The following TUSC3 variants were observed in gnomAD, a reference collection of about 807,000 sequenced individuals.
TUSC3 encodes dolichyl-diphosphooligosaccharide--protein glycosyltransferase subunit TUSC3.
In TUSC3, 45 loss-of-function variants were observed where a neutral mutation model predicts 44.8. That is an observed-to-expected ratio of 1.00 (90% CI 0.79 to 1.29). The LOEUF (loss-of-function observed/expected upper bound fraction) is 1.29, where lower values mean the gene tolerates loss of function less well. TUSC3 is among the 50% of genes most tolerant of loss of function. The pLI, the probability that TUSC3 is intolerant of heterozygous loss-of-function variation, is 0.00. For synonymous variants in TUSC3, 212 were observed against 152.9 expected, an observed-to-expected ratio of 1.39 and a Z score of -2.85; for missense variants, 519 against 437.9, an observed-to-expected ratio of 1.19 and a Z score of -1.65.
the TUSC3 span, among the ~76,000 whole-genome samples, chr8:15,793,171 G>C: frequency 2.7e-3 from 414 of 152,056 alleles, no homozygotes; most frequent in African/African-American, 9.3e-3. Context: ...TCTGACATAT[G>C]CTCTCCTGTC....
Position 15,764,459 on chromosome 8 carries a change from T to C in TUSC3, c.*303T>C, listed in dbSNP as rs545469086. 1.2e-4 allele frequency: 54 copies of C among 437,246 alleles called. No homozygotes were observed. The highest frequency in any genetic ancestry group is 2.3e-4 in the Admixed American group (6 of 26,252). The allele number at this position is 437,246 out of a possible 1,614,324, so 27.1% of individuals were successfully genotyped here. ...GTTATATTCAGTGTGTGCCACAGGATTGAAATAAATGACAATGTAATTATG... is the reference window on the plus strand; with the variant it reads ...GTTATATTCAGTGTGTGCCACAGGACTGAAATAAATGACAATGTAATTATG... On this transcript the variant is annotated 3_prime_UTR_variant, in exon 11 of 11. Coordinates refer to ENST00000503731, the MANE Select transcript of TUSC3 (RefSeq NM_006765.4).
chr8:15,833,785 G>A, the TUSC3 span, among the ~76,000 whole-genome samples: 10 of 151,518 alleles, frequency 6.6e-5, no homozygotes, highest in South Asian at 6.2e-4. Context: ...AACAAACCCC[G>A]TTGTTACAAG....
downstream of TUSC3, among the ~76,000 whole-genome samples, chr8:15,770,285 A>T (rs1272841184): frequency 6.6e-6 from 1 of 152,168 alleles, no homozygotes; most frequent in Non-Finnish European, 1.5e-5. Context: ...GCTGGAAACC[A>T]TCCTCAGCAA....
intron 1 of TUSC3, among the ~76,000 whole-genome samples, chr8:15,425,228 G>T (rs913963062): frequency 6.6e-6 from 1 of 152,204 alleles, no homozygotes; most frequent in African/African-American, 2.4e-5. Flanking sequence ...AAAGGAAACA[G>T]TGGAAAAAAT....
At chr8:15,772,047 CCACTGCACTCTAGCCTGGGCCA>C in the TUSC3 span, among the ~76,000 whole-genome samples, 7 of 151,960 alleles carry the variant, frequency 4.6e-5, no homozygotes, top group African/African-American at 1.7e-4. Context: ...CAGGATCGCG[CCACTGCACTCTAGCCTGGGCCA>C]CAGAGCAAGA....
At chr8:15,581,782 C>T (rs904703866) in intron 1 of TUSC3, among the ~76,000 whole-genome samples, 7 of 138,852 alleles carry the variant, frequency 5.0e-5, no homozygotes, top group Admixed American at 1.4e-4. Flanking sequence ...TTTGTCTGTG[C>T]CCTGCCCCCA....
chr8:15,786,354 G>A, the TUSC3 span, among the ~76,000 whole-genome samples: 23 of 152,178 alleles, frequency 1.5e-4, no homozygotes, highest in Non-Finnish European at 3.1e-4. Flanking sequence ...GGTACAGTCT[G>A]TCTCTATATA....
chr8:15,760,346 A>G (rs1812119402), intron 10 of TUSC3, among the ~76,000 whole-genome samples: 1 of 152,198 alleles, frequency 6.6e-6, no homozygotes, highest in African/African-American at 2.4e-5. Flanking sequence ...TCTTTTATAC[A>G]TCATGAGCAT....
rs544648598 is a variant in TUSC3, at chr8:15,750,755, T to C, written c.1028+2290T>C. Among the ~76,000 whole-genome samples the C allele has an allele frequency of 2.0e-5, 3 of 152,298 alleles. 1 individual carries two copies. The highest frequency in any genetic ancestry group is 2.0e-4 in the Admixed American group (3 of 15,290). On this transcript the variant is annotated intron_variant, in intron 9 of 10. Transcript: ENST00000503731. ...TGAATGTGGCATTTGAACAGTCTTC[T>C]TATGTAACCAGCCCCACACTCCTGT...
chr8:15,457,345 A>G (rs2129121278), intron 1 of TUSC3, among the ~76,000 whole-genome samples: 1 of 151,920 alleles, frequency 6.6e-6, no homozygotes, highest in East Asian at 1.9e-4. Context: ...AAAAAAACAA[A>G]AACAAATAGA....
chr8:15,696,152 C>A (rs902945818), intron 6 of TUSC3, among the ~76,000 whole-genome samples: 2 of 152,178 alleles, frequency 1.3e-5, no homozygotes, highest in Admixed American at 6.5e-5. Context: ...ATCACAGGCC[C>A]AGAGGCCTAG....
At position 15,474,485 on chromosome 8, in the gene TUSC3, C is replaced by T. The variant is rs115040492; in HGVS notation, n.92-8901C>T. On this transcript the variant is annotated intron_variant and non_coding_transcript_variant, in intron 1 of 5. Transcript: ENST00000503191. ...CTGCTGCAGCTCCAGTTGGTCCCTC[C>T]GTTCAGAGTCCCTGACTTCCTGCAA... Among the ~76,000 whole-genome samples, 493 of 152,192 alleles carry T rather than the reference C, an allele frequency of 3.2e-3. 1 individual carries two copies. The highest frequency in any genetic ancestry group is 0.011 in the African/African-American group (469 of 41,538).
At chr8:15,668,414 T>C (rs1807777889) in intron 5 of TUSC3, among the ~76,000 whole-genome samples, 1 of 151,758 alleles carries the variant, frequency 6.6e-6, no homozygotes, top group African/African-American at 2.4e-5. Flanking sequence ...TATTCATTTG[T>C]TGACCATTCA....
upstream of TUSC3, chr8:15,540,158 G>A (rs3810773): frequency 5.0e-3 from 2,096 of 417,842 alleles, 53 homozygotes; most frequent in East Asian, 0.062. Flanking sequence ...GCTCCGGGCG[G>A]GAGCGCACGC....
the TUSC3 span, chr8:15,806,842 G>C: frequency 3.1e-6 from 3 of 981,094 alleles, no homozygotes; most frequent in East Asian, 2.4e-5. Flanking sequence ...CAAAGTAAAC[G>C]TCTAGAGTCT....
intron 1 of TUSC3, among the ~76,000 whole-genome samples, chr8:15,582,166 C>T (rs1405025463): frequency 1.3e-5 from 2 of 152,232 alleles, no homozygotes; most frequent in Non-Finnish European, 2.9e-5. Context: ...CCTGCTTCGG[C>T]TCGCGCATGG....
At chr8:15,763,964 C>A (rs1812253424) in intron 10 of TUSC3, among the ~76,000 whole-genome samples, 1 of 151,964 alleles carries the variant, frequency 6.6e-6, no homozygotes, top group Admixed American at 6.6e-5. Flanking sequence ...TAAATTTAAA[C>A]CACAAATTAA....
intron 1 of TUSC3, among the ~76,000 whole-genome samples, chr8:15,612,033 TA>T (rs1804784779): frequency 6.6e-6 from 1 of 152,116 alleles, no homozygotes; most frequent in African/African-American, 2.4e-5. Flanking sequence ...CCTTTAAAAA[TA>T]TAAGAAGAAC....
At chr8:15,788,496 G>A in the TUSC3 span, among the ~76,000 whole-genome samples, 1 of 148,892 alleles carries the variant, frequency 6.7e-6, no homozygotes, top group South Asian at 2.1e-4. Context: ...GCAGTGAGCC[G>A]AGATTGTGCC....
Sources: allele counts gnomAD v4.1 joint callset (sites outside exome capture counted in the v4.1 genomes callset), GRCh38; gene constraint gnomAD v4.1.1; transcripts MANE v1.5; gene names NCBI Gene and HGNC (gene_info 2026-07-23, HGNC 2026-07-21).